TDRP: variants seen among roughly 807,000 people sequenced by gnomAD.
TDRP encodes the protein testis development related protein.
TDRP carries 12 observed loss-of-function variants against 10.5 expected under a neutral mutation model. That is an observed-to-expected ratio of 1.15 (90% CI 0.73 to 1.86). The LOEUF is 1.86. TDRP is among the 40% of genes most tolerant of loss of function. The pLI, the probability that TDRP is intolerant of heterozygous loss-of-function variation, is 0.00. For synonymous variants in TDRP, 139 were observed against 95.4 expected, an observed-to-expected ratio of 1.46 and a Z score of -2.67; for missense variants, 353 against 229.2, an observed-to-expected ratio of 1.54 and a Z score of -3.49.
chr8:544,823 G>T lies in TDRP; in HGVS notation c.-66C>A. The T allele has an allele frequency of 8.8e-7, 1 of 1,141,162 alleles. No homozygotes were observed. Among genetic ancestry groups the T allele is most frequent in the Non-Finnish European group, 1.1e-6 (1 of 907,754 alleles). The allele number at this position is 1,141,162 out of a possible 1,614,324, so 70.7% of individuals were successfully genotyped here. A position where few individuals can be genotyped will look rare whatever the true frequency, so the allele number is the denominator to read the frequency against. On this transcript the variant is annotated 5_prime_UTR_variant, in exon 1 of 3. Transcript: ENST00000324079. ...CTGTGGCTCCGCGTCCCTCCCGGCCGCCGGACGCTCTGCCTGCGGCTCCTG... is the reference window on the plus strand; with the variant it reads ...CTGTGGCTCCGCGTCCCTCCCGGCCTCCGGACGCTCTGCCTGCGGCTCCTG...
chr8:510,996 T>C (rs1325849403), intron 1 of TDRP, among the ~76,000 whole-genome samples: 3 of 152,130 alleles, frequency 2.0e-5, no homozygotes, highest in Non-Finnish European at 4.4e-5. Flanking sequence ...AGAAATCGGC[T>C]ACAGATGGTA....
intron 1 of TDRP, among the ~76,000 whole-genome samples, chr8:536,046 A>T (rs1204343931): frequency 6.6e-6 from 1 of 152,232 alleles, no homozygotes; most frequent in Non-Finnish European, 1.5e-5. Context: ...CAGTAAAAGT[A>T]CACCTTATCA....
chr8:542,831 T>A (rs1377024468), intron 1 of TDRP, among the ~76,000 whole-genome samples: 1 of 130,078 alleles, frequency 7.7e-6, no homozygotes, highest in Non-Finnish European at 1.6e-5. Flanking sequence ...CACCCCACCC[T>A]GGGCGACAAG....
chr8:518,104 C>A (rs935253360), intron 1 of TDRP, among the ~76,000 whole-genome samples: 5 of 152,126 alleles, frequency 3.3e-5, no homozygotes, highest in African/African-American at 1.2e-4. Flanking sequence ...ACACTAATGT[C>A]AACTATGGAC....
At chr8:494,374 G>A (rs1033784827) in intron 2 of TDRP, 120 bp downstream of exon 2, 15 of 887,160 alleles carry the variant, frequency 1.7e-5, no homozygotes, top group Admixed American at 6.9e-5. Context: ...ACATGGACTC[G>A]CCGCGCCCCA....
rs1337601427 is a variant in TDRP at position 497,640 on chromosome 8, C to G, written c.109-3043G>C. ...TCTGGGAAGAAATTCAAGCTGCCAG[C>G]TGCAAAAATTTGCATAAGTAAAGAA... On this transcript the variant is annotated intron_variant, in intron 1 of 2. Transcript: ENST00000324079. Among the ~76,000 whole-genome samples the G allele has an allele frequency of 2.0e-5, 3 of 152,226 alleles. No homozygotes were observed. The East Asian group carries it at 5.8e-4, about 29-fold the overall frequency.
At chr8:499,618 T>G (rs148181777) in intron 1 of TDRP, among the ~76,000 whole-genome samples, 2 of 152,330 alleles carry the variant, frequency 1.3e-5, no homozygotes, top group East Asian at 3.9e-4. Context: ...CAAACAGACA[T>G]GATCGAAGTG....
At chr8:525,540 G>T (rs1412628220) in intron 1 of TDRP, among the ~76,000 whole-genome samples, 1 of 152,080 alleles carries the variant, frequency 6.6e-6, no homozygotes, top group Admixed American at 6.5e-5. Flanking sequence ...ACAACAAAGA[G>T]AAATCAGGGG....
chr8:514,975 A>G lies in TDRP; in HGVS notation c.109-20378T>C, dbSNP rs375058849. ...TTATCCTGCAAAAGACAATCAGGAA[A>G]AGTCATACAATTCAGACTTTATTCC... On this transcript the variant is annotated intron_variant, in intron 1 of 2. Transcript: ENST00000324079. 9.5e-4 allele frequency among the ~76,000 whole-genome samples: 145 copies of G among 152,312 alleles called. 1 individual carries two copies. The highest frequency in any genetic ancestry group is 3.2e-3 in the African/African-American group (135 of 41,576).
At chr8:496,795 CT>C (rs1270083664) in intron 1 of TDRP, among the ~76,000 whole-genome samples, 2 of 152,192 alleles carry the variant, frequency 1.3e-5, no homozygotes, top group Non-Finnish European at 2.9e-5. Flanking sequence ...TGGGAGATGA[CT>C]GGATCATGGG....
At chr8:545,560 G>C (rs539422595), upstream of TDRP, 12 of 152,426 alleles carry the variant, frequency 7.9e-5, no homozygotes, top group Non-Finnish European at 1.6e-4. Context: ...CTCAGGCCGC[G>C]GCAAGGCTGA....
At chr8:532,908 C>T (rs1292427152) in intron 1 of TDRP, among the ~76,000 whole-genome samples, 1 of 152,218 alleles carries the variant, frequency 6.6e-6, no homozygotes, top group Non-Finnish European at 1.5e-5. Context: ...GGTTCTGACA[C>T]TGCATGGACC....
At chr8:526,825 T>A (rs1263391197) in intron 1 of TDRP, among the ~76,000 whole-genome samples, 4 of 152,228 alleles carry the variant, frequency 2.6e-5, no homozygotes, top group Admixed American at 2.6e-4. Context: ...TTACCACTGT[T>A]ATTCAACGTA....
chr8:506,641 A>G (rs1459992198), intron 1 of TDRP, among the ~76,000 whole-genome samples: 1 of 152,160 alleles, frequency 6.6e-6, no homozygotes, highest in Non-Finnish European at 1.5e-5. Flanking sequence ...ACGACTCCCC[A>G]CTACGGCAAA....
At chr8:527,403 A>G (rs1291476927) in intron 1 of TDRP, among the ~76,000 whole-genome samples, 2 of 150,208 alleles carry the variant, frequency 1.3e-5, no homozygotes, top group Non-Finnish European at 3.0e-5. Context: ...ACAGAAATGG[A>G]AAAAAAAAAT....
At chr8:498,788 C>T (rs1228621809) in intron 1 of TDRP, among the ~76,000 whole-genome samples, 1 of 152,110 alleles carries the variant, frequency 6.6e-6, no homozygotes, top group Non-Finnish European at 1.5e-5. Context: ...CCTGGTGGGA[C>T]GTGACTGGAT....
intron 1 of TDRP, among the ~76,000 whole-genome samples, chr8:543,992 A>G (rs1802568979): frequency 6.6e-6 from 1 of 152,150 alleles, no homozygotes; most frequent in South Asian, 2.1e-4. Flanking sequence ...GAGCCCTTTC[A>G]ATTACAAAAT....
intron 1 of TDRP, among the ~76,000 whole-genome samples, chr8:499,834 G>C (rs1801238190): frequency 6.6e-6 from 1 of 152,250 alleles, no homozygotes; most frequent in Non-Finnish European, 1.5e-5. Context: ...TGGAGTTCCT[G>C]AAGGGCCCAG....
At chr8:539,755 C>A (rs571869035) in intron 1 of TDRP, among the ~76,000 whole-genome samples, 55 of 152,294 alleles carry the variant, frequency 3.6e-4, no homozygotes, top group African/African-American at 1.2e-3. Context: ...ATCGTCAATA[C>A]GTTACTCCAC....
Sources: allele counts gnomAD v4.1 joint callset (sites outside exome capture counted in the v4.1 genomes callset), GRCh38; gene constraint gnomAD v4.1.1; transcripts MANE v1.5; gene names NCBI Gene and HGNC (gene_info 2026-07-23, HGNC 2026-07-21).